XKR4: variants seen among roughly 807,000 people sequenced by gnomAD.
XKR4 encodes the protein XK-related protein 4.
Under a neutral mutation model 53.9 loss-of-function variants are expected in XKR4, and 12 were observed. The ratio of observed to expected loss-of-function variants is 0.22; its 90% CI spans 0.14 to 0.36. The LOEUF (loss-of-function observed/expected upper bound fraction) is 0.36, where lower values mean the gene tolerates loss of function less well. Ranked by LOEUF, XKR4 falls within the 10% of genes least tolerant of loss-of-function variation. XKR4 has a pLI of 1.00. For missense variants in XKR4, 799 were observed against 859.5 expected, an observed-to-expected ratio of 0.93 and a Z score of 0.88; for synonymous variants, 354 against 362.4, an observed-to-expected ratio of 0.98 and a Z score of 0.26.
rs113637300 is a variant in XKR4 at position 55,153,545 on chromosome 8, T to G, written c.806+50251T>G. On this transcript the variant is annotated intron_variant, in intron 1 of 2. Coordinates refer to ENST00000327381, the MANE Select transcript of XKR4 (RefSeq NM_052898.2). ...TATGTGTCCACTACAATGATAAAAATAAAATCAATGTGGGACAAGTTGAAT... is the reference window on the plus strand; with the variant it reads ...TATGTGTCCACTACAATGATAAAAAGAAAATCAATGTGGGACAAGTTGAAT... 2.4e-3 allele frequency among the ~76,000 whole-genome samples: 367 copies of G among 152,304 alleles called. 1 individual carries two copies. Among genetic ancestry groups the G allele is most frequent in the African/African-American group, 8.3e-3 (347 of 41,574 alleles).
intron 1 of XKR4, chr8:55,161,480 T>A: frequency 2.2e-6 from 1 of 454,228 alleles, no homozygotes; most frequent in Admixed American, 2.4e-5. Context: ...TGGGCAGTGA[T>A]GGGTCCTTTA....
intron 1 of XKR4, among the ~76,000 whole-genome samples, chr8:55,261,191 T>C (rs1302946598): frequency 2.0e-5 from 3 of 152,102 alleles, no homozygotes; most frequent in African/African-American, 7.2e-5. Flanking sequence ...GTGCCTGGGT[T>C]CTAATGCTGG....
chr8:55,457,774 A>G (rs1434202322), intron 2 of XKR4, among the ~76,000 whole-genome samples: 1 of 152,218 alleles, frequency 6.6e-6, no homozygotes, highest in Non-Finnish European at 1.5e-5. Context: ...AATTATTATA[A>G]AACTTTATTG....
At chr8:55,379,250 G>C (rs751373541) in intron 2 of XKR4, among the ~76,000 whole-genome samples, 5 of 152,112 alleles carry the variant, frequency 3.3e-5, no homozygotes, top group Non-Finnish European at 7.3e-5. Context: ...GCACTCAAGA[G>C]GCATGTCATT....
intron 1 of XKR4, among the ~76,000 whole-genome samples, chr8:55,308,699 TA>T (rs1236905309): frequency 6.6e-6 from 1 of 152,204 alleles, no homozygotes; most frequent in African/African-American, 2.4e-5. Flanking sequence ...TAAAATCCTG[TA>T]CCTGAATGTT....
At chr8:55,427,542 A>G (rs1733321952) in intron 2 of XKR4, among the ~76,000 whole-genome samples, 1 of 152,178 alleles carries the variant, frequency 6.6e-6, no homozygotes, top group Non-Finnish European at 1.5e-5. Context: ...AATTTTGGTT[A>G]CTGGCACATA....
At chr8:55,479,213 T>C (rs913767658) in intron 2 of XKR4, among the ~76,000 whole-genome samples, 1 of 152,012 alleles carries the variant, frequency 6.6e-6, no homozygotes, top group Non-Finnish European at 1.5e-5. Context: ...CAGACCACAG[T>C]GCAATCAAAC....
intron 1 of XKR4, among the ~76,000 whole-genome samples, chr8:55,330,224 G>A (rs1803363999): frequency 1.3e-5 from 2 of 152,170 alleles, no homozygotes; most frequent in South Asian, 4.1e-4. Context: ...GCAGTTAAAA[G>A]CATGGGCATG....
intron 2 of XKR4, among the ~76,000 whole-genome samples, chr8:55,470,718 A>C (rs1176793682): frequency 1.3e-5 from 2 of 152,158 alleles, no homozygotes; most frequent in Non-Finnish European, 2.9e-5. Flanking sequence ...TATCATTATC[A>C]TTATTATTAG....
intron 1 of XKR4, among the ~76,000 whole-genome samples, chr8:55,171,874 C>G (rs1383400942): frequency 6.6e-6 from 1 of 152,158 alleles, no homozygotes; most frequent in Non-Finnish European, 1.5e-5. Context: ...ACTATGGCCA[C>G]TGCTTCCCGG....
chr8:55,480,093 C>A (rs1396311866), intron 2 of XKR4, among the ~76,000 whole-genome samples: 2 of 151,886 alleles, frequency 1.3e-5, no homozygotes, highest in African/African-American at 4.8e-5. Context: ...GCAGAGACAC[C>A]AACAAAAAAG....
chr8:55,391,030 CA>C (rs986631252), intron 2 of XKR4, among the ~76,000 whole-genome samples: 11 of 151,620 alleles, frequency 7.3e-5, no homozygotes, highest in African/African-American at 1.9e-4. Context: ...ATATGAAACA[CA>C]AAAAAAATGG....
At chr8:55,181,030 T>C (rs375585509) in intron 1 of XKR4, among the ~76,000 whole-genome samples, 4 of 152,182 alleles carry the variant, frequency 2.6e-5, no homozygotes, top group South Asian at 4.1e-4. Context: ...ATTAAAACAT[T>C]AAAGTTAGAC....
intron 1 of XKR4, among the ~76,000 whole-genome samples, chr8:55,304,735 C>A (rs1362898981): frequency 6.6e-6 from 1 of 152,088 alleles, no homozygotes; most frequent in Non-Finnish European, 1.5e-5. Flanking sequence ...TGAATTGATC[C>A]TTTACCATTA....
chr8:55,246,205 G>C (rs1220672614), intron 1 of XKR4, among the ~76,000 whole-genome samples: 1 of 152,084 alleles, frequency 6.6e-6, no homozygotes, highest in Non-Finnish European at 1.5e-5. Context: ...TGTGTATACT[G>C]CTGAATTGAA....
chr8:55,340,422 T>G (rs1206514681), intron 1 of XKR4, among the ~76,000 whole-genome samples: 2 of 152,224 alleles, frequency 1.3e-5, no homozygotes, highest in African/African-American at 4.8e-5. Flanking sequence ...AAAGGAGAGA[T>G]AAACTATGTA....
intron 2 of XKR4, among the ~76,000 whole-genome samples, chr8:55,391,822 T>C (rs1341606364): frequency 6.6e-6 from 1 of 152,222 alleles, no homozygotes; most frequent in Admixed American, 6.5e-5. Context: ...TTGTTTCAAA[T>C]GTTTTAAACC....
At chr8:55,458,846 T>C (rs887633364) in intron 2 of XKR4, among the ~76,000 whole-genome samples, 10 of 152,244 alleles carry the variant, frequency 6.6e-5, no homozygotes, top group Non-Finnish European at 1.2e-4. Context: ...GGGTGCAGGA[T>C]GGGGAGCAGG....
chr8:55,531,410 A>T lies in XKR4; in HGVS notation c.*7183A>T, dbSNP rs1806951284. On this transcript the variant is annotated 3_prime_UTR_variant, in exon 3 of 3. Coordinates refer to ENST00000327381, the MANE Select transcript of XKR4 (RefSeq NM_052898.2). ...GGGATCGCTGTCATATGTGCAGTCT[A>T]TTATTGACCAAAATGCCATTGTGTG... 6.6e-6 allele frequency: 1 copy of T among 152,204 alleles called. No homozygotes were observed. The highest frequency in any genetic ancestry group is 6.5e-5 in the Admixed American group (1 of 15,280). 9.4% of individuals were successfully genotyped at this position (152,204 alleles called of 1,614,324 possible). A position where few individuals can be genotyped will look rare whatever the true frequency, so the allele number is the denominator to read the frequency against.
Sources: allele counts gnomAD v4.1 joint callset (sites outside exome capture counted in the v4.1 genomes callset), GRCh38; gene constraint gnomAD v4.1.1; transcripts MANE v1.5; gene names NCBI Gene and HGNC (gene_info 2026-07-23, HGNC 2026-07-21).